Variants in EFCAB7 observed in about 807,000 individuals in gnomAD.
EFCAB7 encodes EF-hand calcium binding domain 7.
Under a neutral mutation model 77.1 loss-of-function variants are expected in EFCAB7, and 66 were observed. The ratio of observed to expected loss-of-function variants is 0.86; its 90% CI spans 0.70 to 1.05. The LOEUF (loss-of-function observed/expected upper bound fraction) is 1.05. Among genes scored for constraint, EFCAB7 ranks in the 50% least tolerant of loss-of-function variants. The probability of loss-of-function intolerance (pLI) is 0.00; values close to 1 mark genes in which losing one functional copy is unlikely to be tolerated. For missense variants in EFCAB7, 638 were observed against 730.5 expected (o/e 0.87, Z 1.46); for synonymous variants, 225 against 243.3 (o/e 0.92, Z 0.70).
chr1:63,565,346 G>A (rs1323031040), intron 11 of EFCAB7, among the ~76,000 whole-genome samples: 4 of 149,402 alleles, frequency 2.7e-5, no homozygotes, highest in South Asian at 4.3e-4. Flanking sequence ...GCGAGAGTGC[G>A]AGACTCCGTC....
At chr1:63,559,616 C>A (rs980346448) in intron 10 of EFCAB7, among the ~76,000 whole-genome samples, 1 of 152,000 alleles carries the variant, frequency 6.6e-6, no homozygotes, top group East Asian at 1.9e-4. Context: ...TGTGTGCCAC[C>A]ACACCTGGCT....
intron 11 of EFCAB7, among the ~76,000 whole-genome samples, chr1:63,566,874 TTTTATTTTATA>T (rs1209539914): frequency 4.0e-5 from 6 of 149,130 alleles, no homozygotes; most frequent in Non-Finnish European, 7.4e-5. Context: ...TTTATAATTA[TTTTATTTTATA>T]TTTATTTATT....
At chr1:63,561,994 A>G in intron 11 of EFCAB7, 137 bp downstream of exon 11, 1 of 477,110 alleles carries the variant, frequency 2.1e-6, no homozygotes, top group Non-Finnish European at 3.4e-6. Flanking sequence ...CCTGGGTGCA[A>G]CAACATGTTT....
At chr1:63,537,210 GGA>G in intron 6 of EFCAB7, among the ~76,000 whole-genome samples, 1 of 152,264 alleles carries the variant, frequency 6.6e-6, no homozygotes, top group African/African-American at 2.4e-5. Context: ...AGGAATGTCA[GGA>G]ATTTTCCTTT....
rs138087955 is a variant in EFCAB7 at position 63,555,567 on chromosome 1, T to C, written c.1214+52T>C. The C allele has an allele frequency of 1.5e-4, 233 of 1,512,376 alleles. 3 individuals are homozygous for C. The East Asian group carries it at 4.8e-3, about 31-fold the overall frequency. 93.7% of individuals were successfully genotyped at this position (1,512,376 alleles called of 1,614,324 possible). On this transcript the variant is annotated intron_variant, in intron 9 of 13. Coordinates refer to ENST00000371088, the MANE Select transcript of EFCAB7 (RefSeq NM_032437.4). ...TTATAACATCTAGACTGGATAGATA[T>C]TAATAGCCTGTGTTACTCCCTTTGG...
At chr1:63,562,503 T>C (rs575590814) in intron 11 of EFCAB7, among the ~76,000 whole-genome samples, 2 of 115,520 alleles carry the variant, frequency 1.7e-5, no homozygotes, top group Admixed American at 9.2e-5. Flanking sequence ...ATAAAACTTT[T>C]TTTTTTTTTA....
At chr1:63,533,754 T>A (rs2100875326) in intron 5 of EFCAB7, 105 bp downstream of exon 5, 2 of 884,032 alleles carry the variant, frequency 2.3e-6, no homozygotes, top group East Asian at 5.6e-5. Flanking sequence ...CAAATGAGAA[T>A]CTAACTTTTG....
chr1:63,549,880 G>T, intron 7 of EFCAB7: 1 of 155,294 alleles, frequency 6.4e-6, no homozygotes, highest in South Asian at 2.0e-4. Context: ...TTATATTTTG[G>T]GTTTATTTAT....
intron 8 of EFCAB7, among the ~76,000 whole-genome samples, chr1:63,554,488 C>T (rs1216005240): frequency 6.6e-6 from 1 of 152,058 alleles, no homozygotes; most frequent in Non-Finnish European, 1.5e-5. Flanking sequence ...TATAGGCGCC[C>T]GCCACCATGC....
In EFCAB7 at chr1:63,525,754, A is replaced by T. The variant is rs1646577698; in HGVS notation, c.182A>T (p.Tyr61Phe). The change falls in exon 2 of 14, where the codon TAC becomes TTC. Residue 61 changes from tyrosine to phenylalanine, a missense_variant. By Grantham distance (22) the Tyr-to-Phe change is conservative. Transcript: ENST00000371088. ...LENIISKDQLYLALQHAGRNP... is the reference protein window; with the variant it reads ...LENIISKDQLFLALQHAGRNP... ...AACATTATTTCTAAAGATCAACTTT[A>T]CTTAGGTAAATTTTTAAAATTTTTA... 4 of 1,558,244 alleles carry T rather than the reference A, an allele frequency of 2.6e-6. No individual in the cohort carries two copies. Among genetic ancestry groups the T allele is most frequent in the Non-Finnish European group, 3.4e-6 (4 of 1,162,948 alleles).
At chr1:63,580,137 G>A in the EFCAB7 span, among the ~76,000 whole-genome samples, 2 of 152,152 alleles carry the variant, frequency 1.3e-5, no homozygotes, top group Non-Finnish European at 2.9e-5. Context: ...AGAAGTCGTT[G>A]TCTAACCCCA....
intron 4 of EFCAB7, among the ~76,000 whole-genome samples, chr1:63,533,213 C>T (rs1251254785): frequency 6.6e-6 from 1 of 152,078 alleles, no homozygotes; most frequent in Non-Finnish European, 1.5e-5. Flanking sequence ...AATAAATCAC[C>T]TCTCCTTGTG....
intron 1 of EFCAB7, 28 bp downstream of exon 1, chr1:63,523,662 C>T (rs1047111883): frequency 1.7e-5 from 3 of 178,098 alleles, no homozygotes; most frequent in African/African-American, 7.1e-5. Flanking sequence ...GTCTCTGTCT[C>T]TTCGCTCCCT....
intron 10 of EFCAB7, 66 bp downstream of exon 10, chr1:63,557,313 G>A: frequency 7.0e-7 from 1 of 1,418,502 alleles, no homozygotes; most frequent in Non-Finnish European, 9.4e-7. Flanking sequence ...TCATCTCTAA[G>A]AAATGAGAAG....
At chr1:63,547,581 T>TA (rs1646914500) in intron 7 of EFCAB7, 1 of 152,228 alleles carries the variant, frequency 6.6e-6, no homozygotes, top group Non-Finnish European at 1.5e-5. Context: ...AACTGCTACA[T>TA]AAAAAACTAC....
intron 6 of EFCAB7, among the ~76,000 whole-genome samples, chr1:63,544,644 C>A (rs1174726916): frequency 6.6e-6 from 1 of 152,042 alleles, no homozygotes; most frequent in Admixed American, 6.5e-5. Flanking sequence ...AACTCCTGAC[C>A]TTGTGATCCA....
intron 10 of EFCAB7, among the ~76,000 whole-genome samples, chr1:63,559,627 A>C (rs959097478): frequency 3.3e-5 from 5 of 151,870 alleles, no homozygotes; most frequent in Non-Finnish European, 5.9e-5. Context: ...ACACCTGGCT[A>C]ATTTTTGTAT....
intron 7 of EFCAB7, 71 bp from the exon 8 acceptor site, chr1:63,551,654 T>C: frequency 1.5e-6 from 1 of 651,404 alleles, no homozygotes. Flanking sequence ...TAGTAACTTA[T>C]TTTTTATATA....
rs61744574 is a variant in EFCAB7 at position 63,545,996 on chromosome 1, A to G, written c.885A>G (p.Gln295=). 30 of 1,613,752 alleles carry G rather than the reference A, an allele frequency of 1.9e-5. No individual in the cohort carries two copies. The highest frequency in any genetic ancestry group is 2.4e-5 in the Non-Finnish European group (28 of 1,179,842). Residue 295 remains glutamine (Q), a synonymous_variant, in exon 7 of 14, where the codon CAA becomes CAG. Coordinates refer to ENST00000371088, the MANE Select transcript of EFCAB7 (RefSeq NM_032437.4). The part of the protein sequence containing the change: ...GEIISHQYRM[Q]IAQRSMVYLT... Reference sequence around the variant, plus strand: ...TCATTAGTCATCAGTACAGGATGCAAATAGCTCAGAGGTCCATGGTTTATC... The same window carrying G: ...TCATTAGTCATCAGTACAGGATGCAGATAGCTCAGAGGTCCATGGTTTATC...
Sources: allele counts gnomAD v4.1 joint callset (sites outside exome capture counted in the v4.1 genomes callset), GRCh38; gene constraint gnomAD v4.1.1; transcripts MANE v1.5; gene names NCBI Gene and HGNC (gene_info 2026-07-23, HGNC 2026-07-21).